The following AKAP12 variants were observed in gnomAD, a reference collection of about 807,000 sequenced individuals.
AKAP12 encodes A-kinase anchor protein 12.
In AKAP12, 32 loss-of-function variants were observed where a neutral mutation model predicts 79.9. The ratio of observed to expected loss-of-function variants is 0.40; its 90% CI spans 0.30 to 0.54. The LOEUF (loss-of-function observed/expected upper bound fraction) is 0.54, where lower values mean the gene tolerates loss of function less well. AKAP12 is among the 20% of genes least tolerant of loss of function. AKAP12 has a pLI of 0.48. For synonymous variants in AKAP12, 808 were observed against 857.0 expected (o/e 0.94, Z 1.00); for missense variants, 2,074 against 2,177.0 (o/e 0.95, Z 0.94).
intron 3 of AKAP12, among the ~76,000 whole-genome samples, chr6:151,330,523 T>A (rs983345059): frequency 6.6e-6 from 1 of 152,042 alleles, no homozygotes; most frequent in Non-Finnish European, 1.5e-5. Flanking sequence ...GATAACTAGT[T>A]CCAGATGTTA....
chr6:151,344,687 C>G (rs946682590), intron 3 of AKAP12, among the ~76,000 whole-genome samples: 2 of 152,180 alleles, frequency 1.3e-5, no homozygotes, highest in African/African-American at 2.4e-5. Context: ...GCACCCGCCA[C>G]TACGCCTGGC....
chr6:151,296,379 A>G (rs1022920116), intron 2 of AKAP12, among the ~76,000 whole-genome samples: 1 of 152,026 alleles, frequency 6.6e-6, no homozygotes, highest in Non-Finnish European at 1.5e-5. Flanking sequence ...GCCTCCTCAT[A>G]TTTTTCTTTT....
At chr6:151,297,467 G>A (rs972064143) in intron 2 of AKAP12, among the ~76,000 whole-genome samples, 3 of 151,546 alleles carry the variant, frequency 2.0e-5, no homozygotes, top group Non-Finnish European at 4.4e-5. Context: ...CAGCTACTCA[G>A]GAGGCTGAGG....
intron 3 of AKAP12, among the ~76,000 whole-genome samples, chr6:151,321,903 G>GTTTTTTTTTTTTT (rs11415941): frequency 3.0e-5 from 2 of 67,358 alleles, no homozygotes; most frequent in African/African-American, 6.2e-5. Flanking sequence ...TCAGCTTTAT[G>GTTTTTTTTTTTTT]TTTTTTTTTT....
intron 2 of AKAP12, among the ~76,000 whole-genome samples, chr6:151,295,092 T>C (rs952959042): frequency 1.7e-4 from 26 of 152,250 alleles, no homozygotes; most frequent in African/African-American, 6.3e-4. Context: ...CGCAGTATAC[T>C]CATGCTCTCA....
Position 151,338,510 on chromosome 6 carries a change from T to C in AKAP12, c.320-10201T>C, listed in dbSNP as rs1238619416. Among the ~76,000 whole-genome samples, 5 of 151,430 alleles carry C rather than the reference T, an allele frequency of 3.3e-5. No individual in the cohort carries two copies. In the East Asian group the frequency reaches 9.7e-4, roughly 29 times the overall value. On this transcript the variant is annotated intron_variant, in intron 3 of 4. Transcript: ENST00000402676. ...TTGCTCTGTTGCCCAGGATGGAGTG[T>C]AGTGGCGTGATCTGGGTTTACTGCA...
rs1445807510 is a variant in AKAP12 at position 151,358,055 on chromosome 6, C to T, written c.*2341C>T. On this transcript the variant is annotated 3_prime_UTR_variant, in exon 5 of 5. Transcript: ENST00000402676. ...GCCCAGAGTTACTTCTGTACAAGCT[C>T]TGTATCTATGTCCGTTGAGAACATT... 1.3e-5 allele frequency: 2 copies of T among 152,166 alleles called. No individual in the cohort carries two copies. The allele number at this position is 152,166 out of a possible 1,614,324, so 9.4% of individuals were successfully genotyped here. A position where few individuals can be genotyped will look rare whatever the true frequency, so the allele number is the denominator to read the frequency against.
At chr6:151,268,956 T>G (rs113630479) in intron 2 of AKAP12, among the ~76,000 whole-genome samples, 106 of 92,698 alleles carry the variant, frequency 1.1e-3, no homozygotes, top group African/African-American at 2.0e-3. Flanking sequence ...TTTTTTTTTT[T>G]TTTTTTTTTT....
chr6:151,336,754 A>C (rs901607632), intron 3 of AKAP12, among the ~76,000 whole-genome samples: 1 of 152,202 alleles, frequency 6.6e-6, no homozygotes, highest in African/African-American at 2.4e-5. Context: ...AAATAAATAA[A>C]TAATAAATAG....
chr6:151,336,655 T>G (rs1777821232), intron 3 of AKAP12, among the ~76,000 whole-genome samples: 1 of 152,020 alleles, frequency 6.6e-6, no homozygotes, highest in South Asian at 2.1e-4. Flanking sequence ...TGAGACAGAA[T>G]TGCTTGAACC....
At chr6:151,271,644 A>G (rs1776185753) in intron 2 of AKAP12, among the ~76,000 whole-genome samples, 1 of 149,264 alleles carries the variant, frequency 6.7e-6, no homozygotes, top group Admixed American at 6.7e-5. Context: ...AAAAACTTTA[A>G]CATTAATTGA....
rs192617132 is a variant in AKAP12 at position 151,318,868 on chromosome 6, A to G, written c.319+12965A>G. Among the ~76,000 whole-genome samples the G allele has an allele frequency of 1.4e-3, 206 of 152,312 alleles. 1 individual carries two copies. The highest frequency in any genetic ancestry group is 4.5e-3 in the African/African-American group (188 of 41,554). On this transcript the variant is annotated intron_variant, in intron 3 of 4. Transcript: ENST00000402676. Reference sequence around the variant, plus strand: ...TCAGGCAGGAGAATCGCTTGAGCCCAGGAGGTTGAGGTTACAATGAATCTC... The same window carrying G: ...TCAGGCAGGAGAATCGCTTGAGCCCGGGAGGTTGAGGTTACAATGAATCTC...
rs951537471 is a variant in AKAP12, at chr6:151,357,424, C to T, written c.*1710C>T. 2 of 152,154 alleles carry T rather than the reference C, an allele frequency of 1.3e-5. No homozygotes were observed. Among genetic ancestry groups the T allele is most frequent in the Admixed American group, 1.3e-4 (2 of 15,280 alleles). 9.4% of individuals were successfully genotyped at this position (152,154 alleles called of 1,614,324 possible). On this transcript the variant is annotated 3_prime_UTR_variant, in exon 5 of 5. Transcript: ENST00000402676. Reference sequence around the variant, plus strand: ...TTCCAGATTTTACTCAAACTTGGTACTCCAGTTTGAAAATTTAAATTTTGA... The same window carrying T: ...TTCCAGATTTTACTCAAACTTGGTATTCCAGTTTGAAAATTTAAATTTTGA...
chr6:151,305,256 C>T (rs930372360), intron 2 of AKAP12, among the ~76,000 whole-genome samples: 1 of 151,682 alleles, frequency 6.6e-6, no homozygotes, highest in Non-Finnish European at 1.5e-5. Flanking sequence ...TCCTTCATGA[C>T]AGTTTCCACA....
intron 2 of AKAP12, among the ~76,000 whole-genome samples, chr6:151,283,785 C>G (rs1189626581): frequency 6.6e-6 from 1 of 152,202 alleles, no homozygotes; most frequent in African/African-American, 2.4e-5. Context: ...AGCTCAGAAG[C>G]TGTCACTGAC....
In AKAP12 at chr6:151,240,660, C is replaced by G. The variant is rs1796953152; in HGVS notation, c.98C>G (p.Ser33Trp). 2 of 1,313,150 alleles carry G rather than the reference C, an allele frequency of 1.5e-6. No individual in the cohort carries two copies. Among genetic ancestry groups the G allele is most frequent in the South Asian group, 4.3e-5 (2 of 46,996 alleles). The allele number at this position is 1,313,150 out of a possible 1,614,324, so 81.3% of individuals were successfully genotyped here. A position where few individuals can be genotyped will look rare whatever the true frequency, so the allele number is the denominator to read the frequency against. The stretch of plus-strand genomic sequence containing the variant: ...CCCGAGCCCAGCGGCGGCGGCCCCT[C>G]GGCCGAGGCGGCGCCAGACACCACC... ...AEPEPSGGGP[S>W]AEAAPDTTAD... is the part of the protein sequence containing the mutation. The change falls in exon 2 of 5, where the codon TCG (serine) becomes TGG (tryptophan). Residue 33 changes from serine (S) to tryptophan (W), a missense_variant. By Grantham distance (177) the Ser-to-Trp change is radical. Transcript: ENST00000402676.
At chr6:151,289,360 C>T (rs1354636123) in intron 2 of AKAP12, among the ~76,000 whole-genome samples, 5 of 152,170 alleles carry the variant, frequency 3.3e-5, no homozygotes, top group Non-Finnish European at 1.5e-5. Context: ...TTTAATTAGG[C>T]ACTGATTTTT....
intron 3 of AKAP12, among the ~76,000 whole-genome samples, chr6:151,344,495 T>C (rs940497386): frequency 6.6e-6 from 1 of 150,586 alleles, no homozygotes; most frequent in African/African-American, 2.4e-5. Flanking sequence ...TTGCCCTGAC[T>C]TGGTTGGGTA....
At chr6:151,297,751 T>G (rs1039960004) in intron 2 of AKAP12, among the ~76,000 whole-genome samples, 1 of 152,062 alleles carries the variant, frequency 6.6e-6, no homozygotes, top group Non-Finnish European at 1.5e-5. Flanking sequence ...TGTTTCTAAT[T>G]TTGTTGGATT....
Sources: gnomAD v4.1 joint callset for allele counts (sites outside exome capture counted in the v4.1 genomes callset) on GRCh38, gnomAD v4.1.1 for gene constraint, MANE v1.5 for transcripts, NCBI Gene and HGNC (gene_info 2026-07-23, HGNC 2026-07-21) for gene names.